PCDHA4: variants seen among roughly 807,000 people sequenced by gnomAD.
The protein encoded by PCDHA4 is protocadherin alpha 4.
PCDHA4 carries 49 observed loss-of-function variants against 61.4 expected under a neutral mutation model. That is an observed-to-expected ratio of 0.80 (90% CI 0.63 to 1.01). The LOEUF (loss-of-function observed/expected upper bound fraction) is 1.01. Among genes scored for constraint, PCDHA4 ranks in the 50% least tolerant of loss-of-function variants. The pLI is 0.00. For missense variants in PCDHA4, 1,254 were observed against 1,235.8 expected, an observed-to-expected ratio of 1.01 and a Z score of -0.22; for synonymous variants, 590 against 550.3, an observed-to-expected ratio of 1.07 and a Z score of -1.01.
At position 140,875,429 on chromosome 5, in the gene PCDHA4, C is replaced by T. The variant is rs781965482; in HGVS notation, c.2385+65857C>T. ...CATAAAATACCTCAGGCAAGCGATCCCTTAAAACTGATTGTCCCAACTCAG... is the reference window on the plus strand; with the variant it reads ...CATAAAATACCTCAGGCAAGCGATCTCTTAAAACTGATTGTCCCAACTCAG... On this transcript the variant is annotated intron_variant, in intron 1 of 3. Transcript: ENST00000530339. The T allele has an allele frequency of 1.9e-6, 3 of 1,551,972 alleles. No homozygotes were observed. In the Admixed American group the frequency reaches 6.1e-5, roughly 32 times the overall value.
intron 1 of PCDHA4, chr5:140,848,946 C>G (rs2150425951): frequency 1.2e-6 from 2 of 1,607,130 alleles, no homozygotes; most frequent in African/African-American, 2.7e-5. Context: ...GCTTGACTCT[C>G]GGTTTCCACT....
At chr5:140,942,260 T>TA (rs2093256424) in intron 1 of PCDHA4, among the ~76,000 whole-genome samples, 1 of 152,086 alleles carries the variant, frequency 6.6e-6, no homozygotes, top group African/African-American at 2.4e-5. Flanking sequence ...AAAAGATATC[T>TA]AAAGCTGGTA....
intron 1 of PCDHA4, chr5:140,877,758 G>C: frequency 6.2e-7 from 1 of 1,614,190 alleles, no homozygotes; most frequent in Non-Finnish European, 8.5e-7. Context: ...GCTCTGCAGA[G>C]AGCCCGCCCA....
At chr5:140,890,700 A>T (rs1265643590) in intron 1 of PCDHA4, among the ~76,000 whole-genome samples, 1 of 152,214 alleles carries the variant, frequency 6.6e-6, no homozygotes, top group East Asian at 1.9e-4. Context: ...CAGGGACCTT[A>T]CATTTTTAAA....
chr5:140,994,072 G>T (rs1587604928), intron 3 of PCDHA4, among the ~76,000 whole-genome samples: 1 of 152,242 alleles, frequency 6.6e-6, no homozygotes, highest in East Asian at 1.9e-4. Flanking sequence ...TAATGGTGAA[G>T]GGAGAAATGT....
At chr5:140,894,989 C>T (rs1446674371) in intron 1 of PCDHA4, among the ~76,000 whole-genome samples, 2 of 152,110 alleles carry the variant, frequency 1.3e-5, no homozygotes, top group Non-Finnish European at 2.9e-5. Context: ...TTGTGACATC[C>T]TTTACCCTTT....
At chr5:140,992,017 CTGTGTGTGTGTGTG>C (rs10602499) in intron 3 of PCDHA4, among the ~76,000 whole-genome samples, 7 of 145,626 alleles carry the variant, frequency 4.8e-5, no homozygotes, top group East Asian at 2.0e-4. Context: ...AGAGGTGGCT[CTGTGTGTGTGTGTG>C]TGTGTGTGTG....
rs1465510521 is a variant in PCDHA4 at position 140,843,154 on chromosome 5, G to A, written c.2385+33582G>A. On this transcript the variant is annotated intron_variant, in intron 1 of 3. Coordinates refer to ENST00000530339, the MANE Select transcript of PCDHA4 (RefSeq NM_018907.4). ...ACAACGCGTGGCTTTCGTATGAGCT[G>A]CAGCCAGCTGCAAGCAGCCCTCGCA... The A allele has an allele frequency of 1.8e-5, 28 of 1,596,012 alleles. 2 individuals carry two copies. The highest frequency in any genetic ancestry group is 2.4e-5 in the Non-Finnish European group (28 of 1,165,622).
At chr5:140,904,303 G>A (rs1176685220) in intron 1 of PCDHA4, among the ~76,000 whole-genome samples, 3 of 151,902 alleles carry the variant, frequency 2.0e-5, no homozygotes, top group African/African-American at 7.3e-5. Flanking sequence ...CCATTCCTGA[G>A]TTTCTTCACT....
intron 1 of PCDHA4, among the ~76,000 whole-genome samples, chr5:140,886,052 CT>C (rs1247635205): frequency 6.6e-6 from 1 of 152,122 alleles, no homozygotes; most frequent in Non-Finnish European, 1.5e-5. Flanking sequence ...ATAGTAACAT[CT>C]TACAAAAGCG....
intron 1 of PCDHA4, chr5:140,875,493 A>T: frequency 6.2e-7 from 1 of 1,612,928 alleles, no homozygotes; most frequent in South Asian, 1.1e-5. Flanking sequence ...TCGGACCAAG[A>T]GGCCCGGGAT....
intron 1 of PCDHA4, chr5:140,842,775 A>T (rs1778262095): frequency 6.3e-7 from 1 of 1,594,430 alleles, no homozygotes; most frequent in Non-Finnish European, 8.6e-7. Flanking sequence ...GCGGACGCGC[A>T]GGAGAACGCG....
intron 1 of PCDHA4, among the ~76,000 whole-genome samples, chr5:140,976,972 C>T (rs969505831): frequency 2.6e-5 from 4 of 152,182 alleles, no homozygotes; most frequent in Non-Finnish European, 5.9e-5. Flanking sequence ...TTCCTTTTCC[C>T]TGCCTGATCT....
chr5:140,825,805 C>T (rs2150141367), intron 1 of PCDHA4: 2 of 152,324 alleles, frequency 1.3e-5, no homozygotes, highest in East Asian at 3.9e-4. Flanking sequence ...AATTTTACTG[C>T]TTGTTGTTAC....
Position 140,925,082 on chromosome 5 carries a change from A to AAAGGAAGG in PCDHA4, c.2386-53849_2386-53842dup, listed in dbSNP as rs138596875. 2.5e-3 allele frequency among the ~76,000 whole-genome samples: 363 copies of AAAGGAAGG among 147,386 alleles called. 3 individuals carry two copies. The highest frequency in any genetic ancestry group is 8.0e-3 in the African/African-American group (310 of 38,948). ...GCAACAAAGCAACACGCTCATCTGG[A>AAAGGAAGG]AAGGAAGGAAGGAAGGAAGGAAGGA... On this transcript the variant is annotated intron_variant, in intron 1 of 3. Transcript: ENST00000530339.
chr5:140,821,972 C>G (rs2150112402), intron 1 of PCDHA4: 25 of 1,614,136 alleles, frequency 1.5e-5, no homozygotes, highest in Non-Finnish European at 2.1e-5. Context: ...TTCCGGGTGG[C>G]GTCCAAGGGC....
At position 140,843,837 on chromosome 5, in the gene PCDHA4, T is replaced by C. The variant is rs1433979959; in HGVS notation, c.2385+34265T>C. ...GTGAAAATTTAAACATTGTTTAGTT[T>C]TTAGAAACCTTTTATAATTAATTGA... On this transcript the variant is annotated intron_variant, in intron 1 of 3. Coordinates refer to ENST00000530339, the MANE Select transcript of PCDHA4 (RefSeq NM_018907.4). The C allele has an allele frequency of 3.8e-5, 40 of 1,048,116 alleles. 5 individuals are homozygous for C. The Admixed American group carries it at 1.1e-3, about 28-fold the overall frequency. 64.9% of individuals were successfully genotyped at this position (1,048,116 alleles called of 1,614,324 possible). A position where few individuals can be genotyped will look rare whatever the true frequency, so the allele number is the denominator to read the frequency against.
intron 1 of PCDHA4, among the ~76,000 whole-genome samples, chr5:140,912,832 TA>T (rs1188685241): frequency 1.3e-5 from 2 of 152,202 alleles, no homozygotes; most frequent in African/African-American, 2.4e-5. Context: ...TGAATTTTAT[TA>T]AATGCTTTTT....
At chr5:140,878,093 G>C (rs1209778256) in intron 1 of PCDHA4, 1 of 292,952 alleles carries the variant, frequency 3.4e-6, no homozygotes, top group Non-Finnish European at 6.0e-6. Context: ...TTATATGACT[G>C]ATGAACCTTG....
Sources: gnomAD v4.1 joint callset for allele counts (sites outside exome capture counted in the v4.1 genomes callset) on GRCh38, gnomAD v4.1.1 for gene constraint, MANE v1.5 for transcripts, NCBI Gene and HGNC (gene_info 2026-07-23, HGNC 2026-07-21) for gene names.